MOV10: variants seen among roughly 807,000 people sequenced by gnomAD.
MOV10 encodes the protein Mov10 RNA helicase.
Under a neutral mutation model 108.4 loss-of-function variants are expected in MOV10, and 39 were observed. That is an observed-to-expected ratio of 0.36 (90% CI 0.28 to 0.47). The LOEUF (loss-of-function observed/expected upper bound fraction) is 0.47. MOV10 is among the 20% of genes least tolerant of loss of function. The pLI, the probability that MOV10 is intolerant of heterozygous loss-of-function variation, is 1.00. For missense variants in MOV10, 952 were observed against 1,297.6 expected (o/e 0.73, Z 4.09); for synonymous variants, 490 against 523.1 (o/e 0.94, Z 0.86).
intron 17 of MOV10, 78 bp from the exon 18 acceptor site, chr1:112,699,607 T>C: frequency 6.3e-7 from 1 of 1,597,264 alleles, no homozygotes; most frequent in Non-Finnish European, 8.5e-7. Flanking sequence ...GTACCCTCCT[T>C]GGAAGGCAAG....
intron 6 of MOV10, among the ~76,000 whole-genome samples, chr1:112,692,375 G>T (rs530547108): frequency 1.3e-4 from 20 of 152,172 alleles, no homozygotes; most frequent in Non-Finnish European, 2.5e-4. Flanking sequence ...CTAAAGCAGG[G>T]TTAGGGAATG....
At chr1:112,681,679 C>T (rs1672663121) in intron 2 of MOV10, among the ~76,000 whole-genome samples, 1 of 151,982 alleles carries the variant, frequency 6.6e-6, no homozygotes, top group Admixed American at 6.5e-5. Flanking sequence ...CATACCCTTA[C>T]CTAGATTTCT....
In MOV10 at chr1:112,693,986, G is replaced by A. The variant is rs200317470; in HGVS notation, c.1141-32G>A. ...TGGGCCCTCCAGCGTCCATCCCTGG[G>A]ACAGAAGCTTGCTTGTGTTCACACC... On this transcript the variant is annotated intron_variant, in intron 7 of 20. Transcript: ENST00000369645. 6 of 1,612,284 alleles carry A rather than the reference G, an allele frequency of 3.7e-6. No homozygotes were observed. The East Asian group carries it at 8.9e-5, about 24-fold the overall frequency.
At position 112,700,371 on chromosome 1, in the gene MOV10, A is replaced by G. The variant is rs774970616; in HGVS notation, c.2920+31A>G. On this transcript the variant is annotated intron_variant, in intron 20 of 20. Transcript: ENST00000369645. ...GCTGGGCCAGGGTGGGGACAGTGCC[A>G]GAGGAGGTGGTAAGGAAGACACAGT... is the stretch of plus-strand genomic sequence containing the variant. The G allele has an allele frequency of 5.0e-6, 8 of 1,614,032 alleles. No homozygotes were observed. In the African/African-American group the frequency reaches 1.1e-4, roughly 22 times the overall value.
chr1:112,676,001 CAG>C lies in MOV10; in HGVS notation c.137+954_137+955del, dbSNP rs552468514. 4.0e-3 allele frequency among the ~76,000 whole-genome samples: 597 copies of C among 147,912 alleles called. 2 individuals are homozygous for C. Among genetic ancestry groups the C allele is most frequent in the African/African-American group, 0.014 (564 of 40,976 alleles). Reference sequence around the variant, plus strand: ...CAGCTGAAGTCTAAGATTGAGCTAACAGAAGTGTGATTTGGGGTGGGGGAAAA... The same window carrying C: ...CAGCTGAAGTCTAAGATTGAGCTAACAAGTGTGATTTGGGGTGGGGGAAAA... On this transcript the variant is annotated intron_variant, in intron 2 of 20. Transcript: ENST00000369645.
intron 5 of MOV10, 139 bp from the exon 6 acceptor site, chr1:112,691,526 G>C (rs1673584447): frequency 1.0e-6 from 1 of 989,680 alleles, no homozygotes; most frequent in African/African-American, 1.6e-5. Flanking sequence ...AATGAGAGTA[G>C]TCCACCCTTG....
At chr1:112,690,132 CT>C in intron 5 of MOV10, 34 bp downstream of exon 5, 1 of 1,604,632 alleles carries the variant, frequency 6.2e-7, no homozygotes, top group Non-Finnish European at 8.5e-7. Context: ...CCTGGCTGGG[CT>C]CGTATCTCAA....
chr1:112,691,367 C>A (rs1230433960), intron 5 of MOV10, among the ~76,000 whole-genome samples: 1 of 152,126 alleles, frequency 6.6e-6, no homozygotes, highest in African/African-American at 2.4e-5. Context: ...CAGAAACTTA[C>A]AGGGAAAAAA....
chr1:112,698,684 C>G, intron 16 of MOV10, 31 bp from the exon 17 acceptor site: 3 of 1,603,604 alleles, frequency 1.9e-6, no homozygotes, highest in Non-Finnish European at 8.5e-7. Flanking sequence ...GTTAATGGCA[C>G]GAGAGAAAGG....
chr1:112,693,372 T>G (rs1557764994), intron 7 of MOV10, among the ~76,000 whole-genome samples: 1 of 152,132 alleles, frequency 6.6e-6, no homozygotes, highest in African/African-American at 2.4e-5. Flanking sequence ...GAACAAGTTT[T>G]TTGTTGTTGT....
At chr1:112,688,737 C>T in intron 2 of MOV10, 198 bp from the exon 3 acceptor site, 8 of 1,436,048 alleles carry the variant, frequency 5.6e-6, no homozygotes, top group Non-Finnish European at 7.3e-6. Flanking sequence ...CTTGGGAAGT[C>T]CCATTGCCTT....
chr1:112,677,267 C>T (rs955311160), intron 2 of MOV10, among the ~76,000 whole-genome samples: 2 of 152,096 alleles, frequency 1.3e-5, no homozygotes, highest in African/African-American at 4.8e-5. Flanking sequence ...TTATCCTTGA[C>T]TATTTTGGAG....
At chr1:112,699,468 A>T in intron 17 of MOV10, 1 of 1,405,336 alleles carries the variant, frequency 7.1e-7, no homozygotes. Context: ...AACACTTTGC[A>T]GGCCCCAGCC....
chr1:112,689,933 CG>C lies in MOV10; in HGVS notation c.674del (p.Gly225ValfsTer26). 6.2e-7 allele frequency: 1 copy of C among 1,614,172 alleles called. No homozygotes were observed. Among genetic ancestry groups the C allele is most frequent in the Non-Finnish European group, 8.5e-7 (1 of 1,180,044 alleles). Reference sequence around the variant, plus strand: ...TGGGAGCTGCTGGGACCTGGGGAGTCGGGTTCAGAAGGAGCCGGCACATTCT... The same window carrying C: ...TGGGAGCTGCTGGGACCTGGGGAGTCGGTTCAGAAGGAGCCGGCACATTCT... The part of the protein sequence containing the change: ...VLWELLGPGE[S>X]GSEGAGTFYI... On this transcript the variant is annotated frameshift_variant, in exon 5 of 21. Transcript: ENST00000369645. LOFTEE classifies it high-confidence loss of function.
Position 112,694,331 on chromosome 1 carries a change from G to C in MOV10, c.1296-122G>C. ...GATGCTACGGCAGCTTCCTCTTCTAGAGAACTTGCATAGAGGTCTTGGAAA... is the reference window on the plus strand; with the variant it reads ...GATGCTACGGCAGCTTCCTCTTCTACAGAACTTGCATAGAGGTCTTGGAAA... On this transcript the variant is annotated intron_variant, in intron 8 of 20. Coordinates refer to ENST00000369645, the MANE Select transcript of MOV10 (RefSeq NM_001321324.2). The surrounding 1 kb of genome is among the most constrained non-coding windows in gnomAD (Gnocchi z 4.1). 2.1e-6 allele frequency: 3 copies of C among 1,438,978 alleles called. 1 individual carries two copies. The highest frequency in any genetic ancestry group is 2.5e-5 in the South Asian group (2 of 80,544). The allele number at this position is 1,438,978 out of a possible 1,614,324, so 89.1% of individuals were successfully genotyped here.
intron 7 of MOV10, 40 bp downstream of exon 7, chr1:112,692,969 C>A (rs377335991): frequency 6.4e-7 from 1 of 1,565,176 alleles, no homozygotes; most frequent in Non-Finnish European, 8.7e-7. Context: ...TGGGCTCAAG[C>A]CAGCCAAGCT....
chr1:112,689,261 G>C, intron 3 of MOV10, 123 bp downstream of exon 3: 1 of 1,257,270 alleles, frequency 8.0e-7, no homozygotes, highest in Non-Finnish European at 1.1e-6. Context: ...TCAGGGAATG[G>C]GGGAAGGGCA....
At chr1:112,689,385 C>CCCCCCCCCCCGG in intron 3 of MOV10, 30 bp from the exon 4 acceptor site, 1 of 1,182,978 alleles carries the variant, frequency 8.5e-7, no homozygotes, top group Non-Finnish European at 1.3e-6. Flanking sequence ...GCTCCCACCC[C>CCCCCCCCCCCGG]AACCCCCCCT....
intron 2 of MOV10, among the ~76,000 whole-genome samples, chr1:112,682,396 C>A (rs1456581476): frequency 6.6e-6 from 1 of 152,026 alleles, no homozygotes; most frequent in African/African-American, 2.4e-5. Flanking sequence ...GCTAATTTTT[C>A]ATTTTTTGTG....
Sources: allele counts gnomAD v4.1 joint callset (sites outside exome capture counted in the v4.1 genomes callset), GRCh38; gene constraint gnomAD v4.1.1; non-coding constraint Gnocchi (gnomAD v3.1); transcripts MANE v1.5; gene names NCBI Gene and HGNC (gene_info 2026-07-23, HGNC 2026-07-21).